ADAM22: variants seen among roughly 807,000 people sequenced by gnomAD.
The protein encoded by ADAM22 is ADAM metallopeptidase domain 22, also known as disintegrin and metalloproteinase domain-containing protein 22.
ADAM22 carries 65 observed loss-of-function variants against 144.6 expected under a neutral mutation model. The observed-to-expected ratio is 0.45, with a 90% CI of 0.37 to 0.55. The LOEUF is 0.55. Ranked by LOEUF, ADAM22 falls within the 20% of genes least tolerant of loss-of-function variation. The probability of loss-of-function intolerance (pLI) is 0.00; values close to 1 mark genes in which losing one functional copy is unlikely to be tolerated. For synonymous variants in ADAM22, 391 were observed against 412.6 expected (o/e 0.95, Z 0.63); for missense variants, 974 against 1,184.9 (o/e 0.82, Z 2.61).
intron 22 of ADAM22, among the ~76,000 whole-genome samples, chr7:88,160,037 A>G (rs1841141282): frequency 6.6e-6 from 1 of 152,220 alleles, no homozygotes; most frequent in African/African-American, 2.4e-5. Flanking sequence ...CTTTCAGCTG[A>G]TAAACAACTT....
intron 5 of ADAM22, among the ~76,000 whole-genome samples, chr7:88,112,687 G>C (rs1327778813): frequency 6.6e-6 from 1 of 152,114 alleles, no homozygotes; most frequent in Non-Finnish European, 1.5e-5. Flanking sequence ...GCCACCCCCA[G>C]CCTACGAGGT....
intron 14 of ADAM22, 102 bp from the exon 15 acceptor site, chr7:88,142,924 C>T (rs1835225375): frequency 4.6e-6 from 3 of 653,538 alleles, no homozygotes; most frequent in Non-Finnish European, 5.4e-6. Flanking sequence ...TTTATTCCCT[C>T]ATTTTAAAGA....
intron 7 of ADAM22, among the ~76,000 whole-genome samples, chr7:88,119,797 A>G (rs931883743): frequency 1.3e-5 from 2 of 152,120 alleles, no homozygotes; most frequent in African/African-American, 2.4e-5. Flanking sequence ...CCTATAACAC[A>G]ATTTTTAACT....
intron 4 of ADAM22, among the ~76,000 whole-genome samples, chr7:88,097,671 A>G (rs942289918): frequency 1.3e-5 from 2 of 151,828 alleles, no homozygotes; most frequent in Admixed American, 6.6e-5. Context: ...AGATATGACA[A>G]AAGAAAATTC....
chr7:87,996,539 G>A (rs1562982297), intron 3 of ADAM22, among the ~76,000 whole-genome samples: 1 of 152,156 alleles, frequency 6.6e-6, no homozygotes, highest in Non-Finnish European at 1.5e-5. Context: ...TTGGAGGTTA[G>A]GATTTCCACA....
At chr7:88,065,557 A>T (rs1320642866) in intron 3 of ADAM22, among the ~76,000 whole-genome samples, 2 of 152,116 alleles carry the variant, frequency 1.3e-5, no homozygotes. Context: ...TAGCGTCTTC[A>T]TAATGTATGC....
In ADAM22 at chr7:88,165,821, T is replaced by C. The variant is rs757407384; in HGVS notation, c.2077-11T>C. The C allele has an allele frequency of 3.8e-6, 6 of 1,583,394 alleles. No homozygotes were observed. The Admixed American group carries it at 7.2e-5, about 19-fold the overall frequency. ...AGTTGACATTTACTCTAGCTTGATTTTGGATCTCAGGTTTGCAGTAATGAG... is the reference window on the plus strand; with the variant it reads ...AGTTGACATTTACTCTAGCTTGATTCTGGATCTCAGGTTTGCAGTAATGAG... On this transcript the variant is annotated splice_polypyrimidine_tract_variant and intron_variant, in intron 23 of 31. Transcript: ENST00000413139.
At chr7:88,046,346 C>A (rs1408946264) in intron 3 of ADAM22, among the ~76,000 whole-genome samples, 2 of 152,030 alleles carry the variant, frequency 1.3e-5, no homozygotes, top group African/African-American at 4.8e-5. Flanking sequence ...TTTCATTTAC[C>A]TGTTGTCCAT....
At chr7:87,961,536 C>G (rs1203085125) in intron 2 of ADAM22, among the ~76,000 whole-genome samples, 1 of 152,220 alleles carries the variant, frequency 6.6e-6, no homozygotes, top group Non-Finnish European at 1.5e-5. Context: ...GACAGTATTA[C>G]TTCCATGCAC....
intron 22 of ADAM22, among the ~76,000 whole-genome samples, chr7:88,162,097 TACACAC>T (rs61053925): frequency 7.0e-4 from 96 of 136,822 alleles, no homozygotes; most frequent in South Asian, 1.6e-3. Context: ...AAATGTGTAA[TACACAC>T]ACACACACAC....
chr7:88,136,247 C>T (rs1006460972), intron 14 of ADAM22, among the ~76,000 whole-genome samples: 8 of 152,178 alleles, frequency 5.3e-5, no homozygotes, highest in Middle Eastern at 3.4e-3. Context: ...AGGCTATAAA[C>T]GTAAGAAATG....
At chr7:87,973,171 A>G (rs1040538440) in intron 2 of ADAM22, among the ~76,000 whole-genome samples, 5 of 152,360 alleles carry the variant, frequency 3.3e-5, no homozygotes, top group African/African-American at 1.2e-4. Flanking sequence ...AGAATGGGAG[A>G]AAATTTTTGC....
intron 26 of ADAM22, among the ~76,000 whole-genome samples, chr7:88,174,714 T>C (rs1406289461): frequency 6.6e-6 from 1 of 152,040 alleles, no homozygotes; most frequent in Non-Finnish European, 1.5e-5. Context: ...ACACACACCA[T>C]TATGATTGAT....
At chr7:88,171,428 A>T in intron 25 of ADAM22, 116 bp from the exon 26 acceptor site, 1 of 861,790 alleles carries the variant, frequency 1.2e-6, no homozygotes, top group Non-Finnish European at 1.8e-6. Flanking sequence ...AGAATCCTCT[A>T]GTGAAGACTT....
rs1335389029 is a variant in ADAM22 at position 88,143,121 on chromosome 7, C to T, written c.1316C>T (p.Ser439Phe). 5 of 1,595,688 alleles carry T rather than the reference C, an allele frequency of 3.1e-6. No individual in the cohort carries two copies. The highest frequency in any genetic ancestry group is 4.3e-6 in the Non-Finnish European group (5 of 1,163,924). ...GGTGCCTGCCTTTTCAACAAACCTTCTAAGGTAATAAGTGTGGTTAATAAG... is the reference window on the plus strand; with the variant it reads ...GGTGCCTGCCTTTTCAACAAACCTTTTAAGGTAATAAGTGTGGTTAATAAG... ...GGGACLFNKP[S>F]KLLDPPECGN... Residue 439 changes from serine to phenylalanine, a missense_variant, in exon 15 of 32, where the codon TCT becomes TTT. By Grantham distance (155) the Ser-to-Phe change is radical (BLOSUM62 -2). Around this residue, in one of 2 missense-constraint regions of ADAM22, gnomAD observed 734 missense variants for 950.6 expected, o/e 0.77. Transcript: ENST00000413139.
At chr7:88,039,193 C>A (rs1220409024) in intron 3 of ADAM22, among the ~76,000 whole-genome samples, 1 of 151,570 alleles carries the variant, frequency 6.6e-6, no homozygotes, top group Non-Finnish European at 1.5e-5. Flanking sequence ...ACCTGTAATC[C>A]CAGCACTTTG....
chr7:87,956,674 C>T (rs1385151917), intron 2 of ADAM22, among the ~76,000 whole-genome samples: 1 of 152,208 alleles, frequency 6.6e-6, no homozygotes, highest in African/African-American at 2.4e-5. Flanking sequence ...TACTCTTGAG[C>T]TTTCATATAA....
intron 3 of ADAM22, among the ~76,000 whole-genome samples, chr7:88,068,242 T>C (rs1486600423): frequency 1.3e-5 from 2 of 152,142 alleles, no homozygotes; most frequent in African/African-American, 4.8e-5. Flanking sequence ...ATGGAGAGAA[T>C]GGGAAGAATG....
intron 3 of ADAM22, among the ~76,000 whole-genome samples, chr7:87,986,473 G>C (rs777989015): frequency 1.1e-3 from 166 of 152,166 alleles, no homozygotes; most frequent in Non-Finnish European, 3.8e-4. Flanking sequence ...CTAAAGCTAA[G>C]ACCTAGGAAA....
Sources: gnomAD v4.1 joint callset for allele counts (sites outside exome capture counted in the v4.1 genomes callset) on GRCh38, gnomAD v4.1.1 for gene constraint, gnomAD v4.1.1 regional missense constraint, MANE v1.5 for transcripts, NCBI Gene and HGNC (gene_info 2026-07-23, HGNC 2026-07-21) for gene names.